Variants in UBE3C observed in about 807,000 individuals in gnomAD.
UBE3C encodes the protein ubiquitin-protein ligase E3C.
Under a neutral mutation model 129.4 loss-of-function variants are expected in UBE3C, and 42 were observed. The ratio of observed to expected loss-of-function variants is 0.32; its 90% CI spans 0.25 to 0.42. The LOEUF is 0.42. UBE3C is among the 10% of genes least tolerant of loss of function. UBE3C has a pLI of 1.00. For missense variants in UBE3C, 1,049 were observed against 1,319.1 expected, an observed-to-expected ratio of 0.80 and a Z score of 3.17; for synonymous variants, 510 against 492.4, an observed-to-expected ratio of 1.04 and a Z score of -0.47.
intron 10 of UBE3C, chr7:157,197,816 T>G (rs1563052275): frequency 6.2e-7 from 1 of 1,613,022 alleles, no homozygotes; most frequent in Admixed American, 1.7e-5. Context: ...CTAACCTGAT[T>G]TGAATTTTTG....
chr7:157,186,825 A>G lies in UBE3C; in HGVS notation c.1144-9A>G, dbSNP rs753209035. 6.8e-6 allele frequency: 11 copies of G among 1,613,528 alleles called. No individual in the cohort carries two copies. Among genetic ancestry groups the G allele is most frequent in the Middle Eastern group, 1.7e-4 (1 of 6,060 alleles). The stretch of plus-strand genomic sequence containing the variant: ...ATTTATGGAGACTGGTTGTTCTGGT[A>G]TGTTCTAGGAGGATGGCAGACTGTC... On this transcript the variant is annotated splice_polypyrimidine_tract_variant and intron_variant, in intron 9 of 22. Coordinates refer to ENST00000348165, the MANE Select transcript of UBE3C (RefSeq NM_014671.3).
At chr7:157,264,768 G>GC (rs1319147807) in intron 22 of UBE3C, among the ~76,000 whole-genome samples, 2 of 152,032 alleles carry the variant, frequency 1.3e-5, no homozygotes, top group African/African-American at 2.4e-5. Flanking sequence ...ATGGGGTTTC[G>GC]CCATGTTGGT....
At chr7:157,181,035 C>T (rs754237940) in intron 6 of UBE3C, among the ~76,000 whole-genome samples, 3 of 152,152 alleles carry the variant, frequency 2.0e-5, no homozygotes, top group Non-Finnish European at 4.4e-5. Flanking sequence ...GAATTCAACA[C>T]GGTGTTTAAA....
chr7:157,265,949 A>G (rs957108239), intron 22 of UBE3C, among the ~76,000 whole-genome samples: 10 of 152,226 alleles, frequency 6.6e-5, no homozygotes, highest in African/African-American at 2.4e-4. Context: ...TGGCACAAGC[A>G]AGCCACTTTT....
chr7:157,179,809 C>T (rs781239900), intron 6 of UBE3C, among the ~76,000 whole-genome samples: 16 of 152,134 alleles, frequency 1.1e-4, no homozygotes, highest in Non-Finnish European at 1.6e-4. Context: ...AGAAATTAAA[C>T]GCATACTCAT....
At chr7:157,187,260 G>C (rs1808832616) in intron 10 of UBE3C, among the ~76,000 whole-genome samples, 1 of 152,044 alleles carries the variant, frequency 6.6e-6, no homozygotes, top group Non-Finnish European at 1.5e-5. Flanking sequence ...AATATTTTCT[G>C]TAGTACCTTA....
At chr7:157,239,970 C>T (rs1796261325) in intron 18 of UBE3C, among the ~76,000 whole-genome samples, 1 of 152,236 alleles carries the variant, frequency 6.6e-6, no homozygotes, top group African/African-American at 2.4e-5. Flanking sequence ...AGACCAGCCA[C>T]ATCTGCATCA....
intron 9 of UBE3C, 125 bp from the exon 10 acceptor site, chr7:157,186,709 A>T: frequency 1.8e-6 from 2 of 1,085,534 alleles, no homozygotes; most frequent in Non-Finnish European, 2.7e-6. Flanking sequence ...TGTGATGTAG[A>T]TAATTTTGAG....
intron 10 of UBE3C, chr7:157,192,863 T>TAAAAA: frequency 1.3e-6 from 1 of 747,586 alleles, no homozygotes; most frequent in Middle Eastern, 4.0e-4. Context: ...GACATGAACT[T>TAAAAA]AAAAAAAAAA....
chr7:157,147,903 G>T (rs1180695306), intron 1 of UBE3C, among the ~76,000 whole-genome samples: 1 of 152,142 alleles, frequency 6.6e-6, no homozygotes, highest in Non-Finnish European at 1.5e-5. Flanking sequence ...TGACTGTGAT[G>T]CATAATTCTT....
intron 18 of UBE3C, among the ~76,000 whole-genome samples, chr7:157,241,794 T>C (rs1021484183): frequency 5.9e-5 from 9 of 152,162 alleles, no homozygotes; most frequent in African/African-American, 1.7e-4. Context: ...GTAAACAGAA[T>C]ACGGTTCATC....
rs1796681706 is a variant in UBE3C, at chr7:157,253,994, C to T, written c.2735C>T (p.Thr912Ile). 7 of 1,605,934 alleles carry T rather than the reference C, an allele frequency of 4.4e-6. No homozygotes were observed. Among genetic ancestry groups the T allele is most frequent in the Non-Finnish European group, 6.0e-6 (7 of 1,175,474 alleles). Residue 912 changes from threonine (T) to isoleucine (I), a missense_variant, in exon 20 of 23, where the codon ACC becomes ATC. Thr to Ile is a moderately conservative substitution (Grantham distance 89). This residue lies in a region of UBE3C where 243 missense variants were observed against 368.7 expected (regional missense o/e 0.66). Transcript: ENST00000348165. ...TTCGGTGGGAAAGACATCCCTGTCACCAGCGCCAACCGGATTGCGTACATC... is the reference window on the plus strand; with the variant it reads ...TTCGGTGGGAAAGACATCCCTGTCATCAGCGCCAACCGGATTGCGTACATC... ...LKFGGKDIPV[T>I]SANRIAYIHL...
At chr7:157,228,662 T>C (rs1795940882) in intron 17 of UBE3C, among the ~76,000 whole-genome samples, 1 of 152,236 alleles carries the variant, frequency 6.6e-6, no homozygotes, top group Non-Finnish European at 1.5e-5. Flanking sequence ...ACACGGACAC[T>C]GACCCAGAGG....
At chr7:157,243,758 C>T (rs1369608603) in intron 18 of UBE3C, among the ~76,000 whole-genome samples, 1 of 152,148 alleles carries the variant, frequency 6.6e-6, no homozygotes, top group East Asian at 1.9e-4. Context: ...TTGACGTATA[C>T]ATAACCTGAA....
intron 22 of UBE3C, among the ~76,000 whole-genome samples, chr7:157,262,520 G>A (rs550958121): frequency 1.4e-5 from 2 of 138,910 alleles, no homozygotes; most frequent in Non-Finnish European, 3.0e-5. Context: ...CTGGGTTCAA[G>A]TGATTCTCCT....
chr7:157,257,292 A>G (rs1229038276), intron 22 of UBE3C, among the ~76,000 whole-genome samples: 1 of 152,208 alleles, frequency 6.6e-6, no homozygotes, highest in Non-Finnish European at 1.5e-5. Flanking sequence ...TTGCCTGTGA[A>G]CAAACCGTAC....
chr7:157,241,910 A>C (rs1796339759), intron 18 of UBE3C, among the ~76,000 whole-genome samples: 1 of 152,186 alleles, frequency 6.6e-6, no homozygotes, highest in Non-Finnish European at 1.5e-5. Flanking sequence ...AGATGCAGAG[A>C]TCACCAAAGA....
chr7:157,170,274 ATGG>A (rs761062433), intron 3 of UBE3C, 27 bp from the exon 4 acceptor site: 5 of 1,444,730 alleles, frequency 3.5e-6, no homozygotes, highest in Middle Eastern at 3.7e-4. Context: ...TACTATATTT[ATGG>A]GTCATTTTGT....
chr7:157,207,244 C>G (rs1163291290), intron 11 of UBE3C, among the ~76,000 whole-genome samples, 154 bp from the exon 12 acceptor site: 3 of 152,146 alleles, frequency 2.0e-5, no homozygotes, highest in Non-Finnish European at 4.4e-5. Flanking sequence ...ACCTGCATTG[C>G]CATGGTGACT....
Sources: gnomAD v4.1 joint callset for allele counts (sites outside exome capture counted in the v4.1 genomes callset) on GRCh38, gnomAD v4.1.1 for gene constraint, gnomAD v4.1.1 regional missense constraint, MANE v1.5 for transcripts, NCBI Gene and HGNC (gene_info 2026-07-23, HGNC 2026-07-21) for gene names.